MTUS1: variants seen among roughly 807,000 people sequenced by gnomAD.
The protein encoded by MTUS1 is microtubule associated scaffold protein 1.
In MTUS1, 109 loss-of-function variants were observed where a neutral mutation model predicts 120.8. The ratio of observed to expected loss-of-function variants is 0.90; its 90% CI spans 0.77 to 1.06. The LOEUF (loss-of-function observed/expected upper bound fraction) is 1.06, where lower values mean the gene tolerates loss of function less well. MTUS1 is among the 50% of genes least tolerant of loss of function. The pLI is 0.00. For synonymous variants in MTUS1, 737 were observed against 550.5 expected, an observed-to-expected ratio of 1.34 and a Z score of -4.74; for missense variants, 2,210 against 1,486.3, an observed-to-expected ratio of 1.49 and a Z score of -8.01.
chr8:17,714,722 C>G (rs1389801744), intron 5 of MTUS1, among the ~76,000 whole-genome samples: 1 of 151,938 alleles, frequency 6.6e-6, no homozygotes, highest in African/African-American at 2.4e-5. Flanking sequence ...AAAAAAGTCA[C>G]AAGGAAATGT....
At chr8:17,661,589 TA>T (rs1439322972) in intron 8 of MTUS1, among the ~76,000 whole-genome samples, 3 of 151,712 alleles carry the variant, frequency 2.0e-5, no homozygotes, top group Non-Finnish European at 4.4e-5. Flanking sequence ...CCAAATAGGA[TA>T]CACAGAAGTC....
At chr8:17,729,984 C>CAAAAAAAAAA (rs36018422) in intron 3 of MTUS1, among the ~76,000 whole-genome samples, 1 of 85,876 alleles carries the variant, frequency 1.2e-5, no homozygotes, top group South Asian at 3.6e-4. Context: ...ATGCTATCAT[C>CAAAAAAAAAA]AAAAAAAAAA....
intron 1 of MTUS1, among the ~76,000 whole-genome samples, chr8:17,772,130 G>A (rs566927852): frequency 1.7e-4 from 26 of 152,252 alleles, no homozygotes; most frequent in Non-Finnish European, 3.5e-4. Context: ...ATGAAAGAAA[G>A]CAAAATACAA....
chr8:17,657,367 G>C lies in MTUS1; in HGVS notation c.2906-1302C>G, dbSNP rs537760845. Reference sequence around the variant, plus strand: ...GCGGATCACGAGGTCAGGAGATCGAGACCATCCCGGCTAAAACGGTGAAAC... The same window carrying C: ...GCGGATCACGAGGTCAGGAGATCGACACCATCCCGGCTAAAACGGTGAAAC... On this transcript the variant is annotated intron_variant, in intron 8 of 14. Coordinates refer to ENST00000693296, the MANE Select transcript of MTUS1 (RefSeq NM_001363059.2). 4.6e-3 allele frequency among the ~76,000 whole-genome samples: 698 copies of C among 151,578 alleles called. 1 individual carries two copies. Among genetic ancestry groups the C allele is most frequent in the Non-Finnish European group, 7.6e-3 (519 of 67,882 alleles).
intron 2 of MTUS1, among the ~76,000 whole-genome samples, chr8:17,745,701 A>T (rs2047690092): frequency 1.3e-5 from 2 of 152,194 alleles, no homozygotes; most frequent in South Asian, 4.1e-4. Flanking sequence ...CTCTCTACAC[A>T]TCGAACGTTA....
At chr8:17,742,311 T>TTTTA (rs1554516969) in intron 3 of MTUS1, among the ~76,000 whole-genome samples, 8 of 139,630 alleles carry the variant, frequency 5.7e-5, no homozygotes, top group East Asian at 2.4e-4. Flanking sequence ...TTTTTTTTTT[T>TTTTA]AGAGATAGTG....
At chr8:17,760,544 G>T (rs984462452) in intron 1 of MTUS1, among the ~76,000 whole-genome samples, 1 of 152,056 alleles carries the variant, frequency 6.6e-6, no homozygotes, top group Non-Finnish European at 1.5e-5. Context: ...CTTCGCTCAG[G>T]AGTTTGTCAA....
intron 6 of MTUS1, among the ~76,000 whole-genome samples, chr8:17,699,551 C>A (rs962231390): frequency 6.6e-6 from 1 of 152,108 alleles, no homozygotes; most frequent in Non-Finnish European, 1.5e-5. Flanking sequence ...TCTTTAGACT[C>A]CCTAAAAGAA....
At chr8:17,679,078 T>A (rs944436067) in intron 7 of MTUS1, among the ~76,000 whole-genome samples, 1 of 152,210 alleles carries the variant, frequency 6.6e-6, no homozygotes, top group Admixed American at 6.5e-5. Context: ...GGGAAACTTA[T>A]AGTTACTAAG....
At chr8:17,646,827 C>A (rs1186243025) in intron 14 of MTUS1, among the ~76,000 whole-genome samples, 155 bp downstream of exon 14, 2 of 152,188 alleles carry the variant, frequency 1.3e-5, no homozygotes. Context: ...GCATGAACTA[C>A]TACAATCATA....
At chr8:17,651,931 A>C (rs1333440309) in intron 12 of MTUS1, among the ~76,000 whole-genome samples, 1 of 152,204 alleles carries the variant, frequency 6.6e-6, no homozygotes, top group Non-Finnish European at 1.5e-5. Context: ...GACTCTTCCT[A>C]AGAATCTTCT....
At chr8:17,731,246 T>C (rs183388110) in intron 3 of MTUS1, among the ~76,000 whole-genome samples, 2 of 152,300 alleles carry the variant, frequency 1.3e-5, no homozygotes, top group East Asian at 1.9e-4. Flanking sequence ...TAGTTAATAG[T>C]TGACAATCTC....
rs1331714895 is a variant in MTUS1 at position 17,699,044 on chromosome 8, A to C, written c.2623+14170T>G. On this transcript the variant is annotated intron_variant, in intron 6 of 14. Coordinates refer to ENST00000693296, the MANE Select transcript of MTUS1 (RefSeq NM_001363059.2). ...TTTCCTCTACCTCCCAAAACCTTGTAAAAACCAAGAAACCAATCAGCATTA... is the reference window on the plus strand; with the variant it reads ...TTTCCTCTACCTCCCAAAACCTTGTCAAAACCAAGAAACCAATCAGCATTA... 4.6e-5 allele frequency among the ~76,000 whole-genome samples: 7 copies of C among 152,300 alleles called. No homozygotes were observed. The East Asian group carries it at 1.4e-3, about 29-fold the overall frequency.
rs181540764 is a variant in MTUS1 at position 17,668,224 on chromosome 8, T to C, written c.2905+6962A>G. Among the ~76,000 whole-genome samples the C allele has an allele frequency of 1.6e-3, 246 of 152,360 alleles. 3 individuals carry two copies. Among genetic ancestry groups the C allele is most frequent in the Middle Eastern group, 3.4e-3 (1 of 294 alleles). On this transcript the variant is annotated intron_variant, in intron 8 of 14. Coordinates refer to ENST00000693296, the MANE Select transcript of MTUS1 (RefSeq NM_001363059.2). ...GAACATTATGAGATGTGTGAATTTT[T>C]TTCTTTTCGTCATCAGCTATTTGCT...
rs2048445609 is a variant in MTUS1, at chr8:17,754,527, G to A, written c.1281C>T (p.Cys427=). 3 of 1,614,194 alleles carry A rather than the reference G, an allele frequency of 1.9e-6. No individual in the cohort carries two copies. The African/African-American group carries it at 4.0e-5, about 22-fold the overall frequency. The part of the protein sequence containing the change: ...DMVISTDKTM[C]MSTPVLEPTK... ...TGGGTTCTAGGACTGGTGTTGACAT[G>A]CACATCGTTTTGTCTGTGCTAATGA... is the stretch of plus-strand genomic sequence containing the variant. The change falls in exon 2 of 15, where the codon TGC becomes TGT. Residue 427 remains cysteine (C), a synonymous_variant. Transcript: ENST00000693296.
chr8:17,715,033 G>A (rs557550490), intron 5 of MTUS1, among the ~76,000 whole-genome samples: 1 of 149,072 alleles, frequency 6.7e-6, no homozygotes, highest in South Asian at 2.1e-4. Flanking sequence ...AGCCTCATGA[G>A]TAGCTGGGAC....
Position 17,644,606 on chromosome 8 carries a change from A to G in MTUS1, c.*1320T>C, listed in dbSNP as rs1341221823. 1 of 152,254 alleles carries G rather than the reference A, an allele frequency of 6.6e-6. No homozygotes were observed. The highest frequency in any genetic ancestry group is 2.1e-4 in the South Asian group (1 of 4,828). The allele number at this position is 152,254 out of a possible 1,614,324, so 9.4% of individuals were successfully genotyped here. A position where few individuals can be genotyped will look rare whatever the true frequency, so the allele number is the denominator to read the frequency against. On this transcript the variant is annotated 3_prime_UTR_variant, in exon 15 of 15. Coordinates refer to ENST00000693296, the MANE Select transcript of MTUS1 (RefSeq NM_001363059.2). Reference sequence around the variant, plus strand: ...GCGGACCATTCTGCTACTTTCCCAAAGACAAAGGGACTCCTTAAAGGGTAA... The same window carrying G: ...GCGGACCATTCTGCTACTTTCCCAAGGACAAAGGGACTCCTTAAAGGGTAA...
intron 13 of MTUS1, among the ~76,000 whole-genome samples, chr8:17,647,720 GCAAA>G (rs758532753): frequency 5.9e-5 from 9 of 152,260 alleles, no homozygotes; most frequent in Non-Finnish European, 1.0e-4. Flanking sequence ...AACTTTCAAG[GCAAA>G]CAAACTGATC....
chr8:17,676,390 G>T, intron 7 of MTUS1: 1 of 701,456 alleles, frequency 1.4e-6, no homozygotes, highest in African/African-American at 1.7e-5. Context: ...CATACAGGTG[G>T]CCGCGCCACC....
Sources: gnomAD v4.1 joint callset for allele counts (sites outside exome capture counted in the v4.1 genomes callset) on GRCh38, gnomAD v4.1.1 for gene constraint, MANE v1.5 for transcripts, NCBI Gene and HGNC (gene_info 2026-07-23, HGNC 2026-07-21) for gene names.